RGPD2: variants seen among roughly 807,000 people sequenced by gnomAD.
RGPD2 encodes RANBP2-like and GRIP domain-containing protein 2.
RGPD2 carries 2 observed loss-of-function variants against 36.0 expected under a neutral mutation model. The ratio of observed to expected loss-of-function variants is 0.06; its 90% CI spans 0.02 to 0.17. The LOEUF (loss-of-function observed/expected upper bound fraction) is 0.17. RGPD2 is among the 10% of genes least tolerant of loss of function. The pLI is 1.00. For synonymous variants in RGPD2, 19 were observed against 163.8 expected, an observed-to-expected ratio of 0.12 and a Z score of 6.75; for missense variants, 40 against 464.3, an observed-to-expected ratio of 0.09 and a Z score of 8.40.
the RGPD2 span, among the ~76,000 whole-genome samples, chr2:87,935,340 G>GA: frequency 1.3e-5 from 2 of 151,066 alleles, no homozygotes; most frequent in African/African-American, 4.9e-5. Context: ...AAAGATATGA[G>GA]AAAAATCATG....
chr2:87,921,617 A>G, the RGPD2 span, among the ~76,000 whole-genome samples: 1 of 152,262 alleles, frequency 6.6e-6, no homozygotes, highest in Admixed American at 6.5e-5. Context: ...ACCATTGTAT[A>G]TGGTATCCTG....
chr2:87,881,252 T>C, the RGPD2 span, among the ~76,000 whole-genome samples: 3 of 151,624 alleles, frequency 2.0e-5, no homozygotes, highest in Non-Finnish European at 4.4e-5. Flanking sequence ...AAGCTGCAGG[T>C]GGATCTACCA....
At chr2:87,966,423 G>T in the RGPD2 span, among the ~76,000 whole-genome samples, 2 of 148,102 alleles carry the variant, frequency 1.4e-5, no homozygotes, top group African/African-American at 2.4e-5. Context: ...GGTGAAAATA[G>T]GGGAGGGGAT....
chr2:87,975,931 T>C, the RGPD2 span, among the ~76,000 whole-genome samples: 2 of 152,178 alleles, frequency 1.3e-5, no homozygotes, highest in African/African-American at 4.8e-5. Context: ...ACACTATACT[T>C]AGCAGAGAGG....
chr2:87,861,678 T>C, the RGPD2 span, among the ~76,000 whole-genome samples: 2 of 151,824 alleles, frequency 1.3e-5, no homozygotes, highest in Non-Finnish European at 2.9e-5. Flanking sequence ...GCCTCTTTGA[T>C]AGTTTGTCAT....
the RGPD2 span, among the ~76,000 whole-genome samples, chr2:87,878,811 A>T: frequency 2.6e-5 from 4 of 152,222 alleles, no homozygotes; most frequent in African/African-American, 9.6e-5. Flanking sequence ...TTTAGATTTC[A>T]TATATAAGAG....
At chr2:87,951,417 C>A in the RGPD2 span, among the ~76,000 whole-genome samples, 1 of 151,876 alleles carries the variant, frequency 6.6e-6, no homozygotes. Context: ...CAGAGAGAAC[C>A]CCTGAGAGAG....
At chr2:87,940,434 C>T in the RGPD2 span, among the ~76,000 whole-genome samples, 8 of 150,334 alleles carry the variant, frequency 5.3e-5, no homozygotes, top group Non-Finnish European at 1.0e-4. Flanking sequence ...AACTCAGGAA[C>T]TAGGAAATTG....
intron 22 of RGPD2, among the ~76,000 whole-genome samples, chr2:87,769,718 T>C (rs954107461): frequency 6.6e-6 from 1 of 151,828 alleles, no homozygotes; most frequent in Non-Finnish European, 1.5e-5. Context: ...AATGCAAACA[T>C]TCTTAAAGTC....
intron 22 of RGPD2, among the ~76,000 whole-genome samples, chr2:87,763,200 C>G (rs1684939663): frequency 7.8e-6 from 1 of 128,160 alleles, no homozygotes; most frequent in Non-Finnish European, 1.6e-5. Context: ...CTCTGAAGCC[C>G]AGGCTGGAGT....
chr2:87,865,218 C>CTT, the RGPD2 span, among the ~76,000 whole-genome samples: 7 of 152,026 alleles, frequency 4.6e-5, no homozygotes, highest in Admixed American at 4.6e-4. Context: ...AGGATTCTGT[C>CTT]TTTTGGTAGG....
the RGPD2 span, among the ~76,000 whole-genome samples, chr2:87,864,499 A>C: frequency 6.6e-6 from 1 of 152,276 alleles, no homozygotes; most frequent in African/African-American, 2.4e-5. Context: ...AGATAGCAGA[A>C]CATAGGACTT....
At chr2:87,932,461 A>C in the RGPD2 span, among the ~76,000 whole-genome samples, 1 of 5,838 alleles carries the variant, frequency 1.7e-4, no homozygotes. Context: ...ATTTAGTATT[A>C]TTGTTGTCAT....
chr2:87,824,735 A>G (rs1209331129), intron 1 of RGPD2, among the ~76,000 whole-genome samples: 2 of 90,548 alleles, frequency 2.2e-5, no homozygotes, highest in Non-Finnish European at 5.2e-5. Context: ...CCGCCCGGCC[A>G]GGCCGAGGCC....
intron 1 of RGPD2, among the ~76,000 whole-genome samples, chr2:87,824,477 C>A (rs1042330425): frequency 6.6e-6 from 1 of 151,960 alleles, no homozygotes; most frequent in Non-Finnish European, 1.5e-5. Context: ...AGAATACTAA[C>A]CTCTTTATAT....
the RGPD2 span, among the ~76,000 whole-genome samples, chr2:87,965,893 TAACC>T: frequency 2.4e-5 from 3 of 124,902 alleles, no homozygotes; most frequent in Middle Eastern, 7.5e-3. Flanking sequence ...CCTAGAAGTA[TAACC>T]AACTAATCTA....
chr2:87,986,653 G>T, the RGPD2 span, among the ~76,000 whole-genome samples: 1 of 151,624 alleles, frequency 6.6e-6, no homozygotes, highest in Non-Finnish European at 1.5e-5. Flanking sequence ...GTCAAGGTGG[G>T]TGGATCACCT....
the RGPD2 span, among the ~76,000 whole-genome samples, chr2:87,876,062 T>A: frequency 6.6e-6 from 1 of 151,976 alleles, no homozygotes; most frequent in Non-Finnish European, 1.5e-5. Flanking sequence ...ATATCCCCTT[T>A]ATCATTTCTG....
At position 87,815,152 on chromosome 2, in the gene RGPD2, A is replaced by G. The variant is rs557432336; in HGVS notation, c.402+1117T>C. 1.0e-3 allele frequency among the ~76,000 whole-genome samples: 153 copies of G among 148,090 alleles called. 15 individuals are homozygous for G. The highest frequency in any genetic ancestry group is 3.5e-3 in the African/African-American group (132 of 37,736). ...ATGATAAAATGAAAGAAAACTATATACATACACATTGTACCAATGTCAAAA... is the reference window on the plus strand; with the variant it reads ...ATGATAAAATGAAAGAAAACTATATGCATACACATTGTACCAATGTCAAAA... On this transcript the variant is annotated intron_variant, in intron 4 of 22. Coordinates refer to ENST00000398146, the MANE Select transcript of RGPD2 (RefSeq NM_001078170.3).
Sources: gnomAD v4.1 joint callset for allele counts (sites outside exome capture counted in the v4.1 genomes callset) on GRCh38, gnomAD v4.1.1 for gene constraint, MANE v1.5 for transcripts, NCBI Gene and HGNC (gene_info 2026-07-23, HGNC 2026-07-21) for gene names.